SPAG16: variants seen among roughly 807,000 people sequenced by gnomAD.
SPAG16 encodes the protein sperm associated antigen 16.
In SPAG16, 86 loss-of-function variants were observed where a neutral mutation model predicts 80.4. The observed-to-expected ratio is 1.07, with a 90% confidence interval of 0.90 to 1.28. The LOEUF is 1.28. Among genes scored for constraint, SPAG16 ranks in the 50% most tolerant of loss-of-function variants. The pLI, the probability that SPAG16 is intolerant of heterozygous loss-of-function variation, is 0.00. For missense variants in SPAG16, 870 were observed against 765.3 expected (o/e 1.14, Z -1.61); for synonymous variants, 294 against 265.9 (o/e 1.11, Z -1.03).
At chr2:214,222,110 C>CTTTTTTTTTTTTT (rs10694178) in intron 15 of SPAG16, among the ~76,000 whole-genome samples, 5 of 103,628 alleles carry the variant, frequency 4.8e-5, no homozygotes, top group Non-Finnish European at 9.2e-5. Context: ...CCTTGCTATT[C>CTTTTTTTTTTTTT]TTTTTTTTTT....
chr2:214,103,420 C>G (rs1046718473), intron 13 of SPAG16, among the ~76,000 whole-genome samples: 1 of 152,012 alleles, frequency 6.6e-6, no homozygotes, highest in South Asian at 2.1e-4. Flanking sequence ...GGCTGTGTGC[C>G]CAGGAGGAAA....
intron 10 of SPAG16, among the ~76,000 whole-genome samples, chr2:213,758,603 A>C (rs2068473897): frequency 6.6e-6 from 1 of 152,178 alleles, no homozygotes; most frequent in East Asian, 1.9e-4. Context: ...AAGCAAAGGA[A>C]ACAGTCAGTA....
At chr2:213,944,799 G>A (rs2079367198) in intron 12 of SPAG16, among the ~76,000 whole-genome samples, 1 of 152,074 alleles carries the variant, frequency 6.6e-6, no homozygotes, top group Admixed American at 6.6e-5. Flanking sequence ...TTGGTCATGA[G>A]GATGGAGCCC....
At chr2:214,249,726 T>C (rs980869742) in intron 15 of SPAG16, among the ~76,000 whole-genome samples, 4 of 141,278 alleles carry the variant, frequency 2.8e-5, no homozygotes, top group Non-Finnish European at 6.2e-5. Flanking sequence ...ACAGTATTTC[T>C]AGTAGTAGTA....
chr2:214,249,261 T>G (rs1321804897), intron 15 of SPAG16, among the ~76,000 whole-genome samples: 2 of 152,206 alleles, frequency 1.3e-5, no homozygotes, highest in Non-Finnish European at 2.9e-5. Flanking sequence ...AGTAGAGTTA[T>G]TTTGAAAGTC....
At chr2:214,144,865 A>G (rs1261843812) in intron 14 of SPAG16, among the ~76,000 whole-genome samples, 1 of 152,106 alleles carries the variant, frequency 6.6e-6, no homozygotes, top group African/African-American at 2.4e-5. Context: ...TCAAACTACA[A>G]TCAAATTGGA....
chr2:213,836,290 A>G (rs2074076984), intron 10 of SPAG16, among the ~76,000 whole-genome samples: 1 of 151,002 alleles, frequency 6.6e-6, no homozygotes, highest in Non-Finnish European at 1.5e-5. Context: ...GGAATATGTT[A>G]AACTAAAAGG....
At chr2:214,141,633 G>A (rs1378160190) in intron 14 of SPAG16, among the ~76,000 whole-genome samples, 1 of 152,070 alleles carries the variant, frequency 6.6e-6, no homozygotes, top group Non-Finnish European at 1.5e-5. Context: ...AAATGAAAAT[G>A]CATTCAATCC....
Position 213,760,449 on chromosome 2 carries a change from G to A in SPAG16, c.1071-102036G>A, listed in dbSNP as rs113468927. Reference sequence around the variant, plus strand: ...AAGAAATAACTTACATAATGGAAGGGAATGATACACAGTTCCACAGTAATA... The same window carrying A: ...AAGAAATAACTTACATAATGGAAGGAAATGATACACAGTTCCACAGTAATA... On this transcript the variant is annotated intron_variant, in intron 10 of 15. Coordinates refer to ENST00000331683, the MANE Select transcript of SPAG16 (RefSeq NM_024532.5). Among the ~76,000 whole-genome samples the A allele has an allele frequency of 8.6e-5, 13 of 151,428 alleles. 1 individual carries two copies. The highest frequency in any genetic ancestry group is 2.4e-4 in the African/African-American group (10 of 41,198).
chr2:214,214,016 C>T (rs560595953), intron 15 of SPAG16, among the ~76,000 whole-genome samples: 6 of 152,152 alleles, frequency 3.9e-5, no homozygotes, highest in South Asian at 2.1e-4. Flanking sequence ...TGATAGAACT[C>T]GGGCTCTCTT....
At chr2:214,333,807 T>C (rs555763153) in intron 15 of SPAG16, among the ~76,000 whole-genome samples, 2 of 152,200 alleles carry the variant, frequency 1.3e-5, no homozygotes, top group South Asian at 4.1e-4. Context: ...GAAGAAAAAA[T>C]GAGACCCAAA....
At chr2:214,096,516 T>G (rs1013961020) in intron 13 of SPAG16, among the ~76,000 whole-genome samples, 2 of 152,056 alleles carry the variant, frequency 1.3e-5, no homozygotes, top group Non-Finnish European at 2.9e-5. Flanking sequence ...TACACATATG[T>G]ATATAATTGC....
intron 10 of SPAG16, among the ~76,000 whole-genome samples, chr2:213,858,632 C>G (rs2075279623): frequency 6.6e-6 from 1 of 152,082 alleles, no homozygotes; most frequent in African/African-American, 2.4e-5. Context: ...GGAGTATCTC[C>G]AAGGTATGCC....
intron 12 of SPAG16, among the ~76,000 whole-genome samples, chr2:213,991,158 C>T (rs527292124): frequency 2.2e-4 from 34 of 152,254 alleles, no homozygotes; most frequent in African/African-American, 7.9e-4. Flanking sequence ...CCCCTAGCCC[C>T]CACTCCCCGT....
intron 10 of SPAG16, among the ~76,000 whole-genome samples, chr2:213,855,049 T>G (rs2075086148): frequency 6.6e-6 from 1 of 152,246 alleles, no homozygotes; most frequent in Non-Finnish European, 1.5e-5. Flanking sequence ...TTTGCCAACC[T>G]CTGCTTTAGA....
chr2:213,884,540 C>T (rs2076480482), intron 11 of SPAG16, among the ~76,000 whole-genome samples: 1 of 152,120 alleles, frequency 6.6e-6, no homozygotes, highest in Admixed American at 6.5e-5. Context: ...ATGTCAACCT[C>T]TTTAGTGAAA....
chr2:213,656,854 A>G (rs1304346813), intron 10 of SPAG16, among the ~76,000 whole-genome samples: 1 of 152,240 alleles, frequency 6.6e-6, no homozygotes, highest in African/African-American at 2.4e-5. Context: ...AACTTTGAAT[A>G]GTTCATGGAG....
intron 10 of SPAG16, among the ~76,000 whole-genome samples, chr2:213,727,669 T>C (rs2066831237): frequency 6.6e-6 from 1 of 152,092 alleles, no homozygotes; most frequent in South Asian, 2.1e-4. Context: ...AAAGTAGCAA[T>C]GGGGCTGAAG....
At chr2:213,815,830 A>G (rs1328444402) in intron 10 of SPAG16, among the ~76,000 whole-genome samples, 1 of 152,156 alleles carries the variant, frequency 6.6e-6, no homozygotes, top group Non-Finnish European at 1.5e-5. Flanking sequence ...CCTAGAGCAC[A>G]TTTGTAACTT....
Sources: gnomAD v4.1 joint callset for allele counts (sites outside exome capture counted in the v4.1 genomes callset) on GRCh38, gnomAD v4.1.1 for gene constraint, MANE v1.5 for transcripts, NCBI Gene and HGNC (gene_info 2026-07-23, HGNC 2026-07-21) for gene names.